The following TOP2B variants were observed in gnomAD, a reference collection of about 807,000 sequenced individuals.
TOP2B encodes DNA topoisomerase 2-beta.
In TOP2B, 51 loss-of-function variants were observed where a neutral mutation model predicts 193.5. The observed-to-expected ratio is 0.26, with a 90% CI of 0.21 to 0.33. The LOEUF is 0.33. TOP2B is among the 10% of genes least tolerant of loss of function. The pLI, the probability that TOP2B is intolerant of heterozygous loss-of-function variation, is 1.00. For missense variants in TOP2B, 1,378 were observed against 1,909.3 expected, an observed-to-expected ratio of 0.72 and a Z score of 5.19; for synonymous variants, 634 against 635.7, an observed-to-expected ratio of 1.00 and a Z score of 0.04.
chr3:25,610,716 A>C (rs1259714546), intron 28 of TOP2B, among the ~76,000 whole-genome samples: 1 of 152,246 alleles, frequency 6.6e-6, no homozygotes, highest in African/African-American at 2.4e-5. Context: ...CCTAACAATC[A>C]GACTGACTTT....
At chr3:25,664,121 C>G in intron 1 of TOP2B, 108 bp downstream of exon 1, 4 of 1,491,514 alleles carry the variant, frequency 2.7e-6, no homozygotes, top group Admixed American at 2.0e-5. Flanking sequence ...AGCGCCCGTT[C>G]GGGGGACGGG....
At chr3:25,656,670 A>G (rs191596630) in intron 1 of TOP2B, among the ~76,000 whole-genome samples, 1 of 152,324 alleles carries the variant, frequency 6.6e-6, no homozygotes, top group Admixed American at 6.5e-5. Flanking sequence ...ACAAAGGAGT[A>G]TATATAAAAC....
At chr3:25,632,223 G>T (rs1702980843) in intron 10 of TOP2B, among the ~76,000 whole-genome samples, 1 of 151,974 alleles carries the variant, frequency 6.6e-6, no homozygotes, top group Non-Finnish European at 1.5e-5. Flanking sequence ...AATGCAATTA[G>T]TTACATAATT....
intron 25 of TOP2B, among the ~76,000 whole-genome samples, chr3:25,617,855 A>C (rs973410242): frequency 6.6e-6 from 1 of 152,218 alleles, no homozygotes; most frequent in Non-Finnish European, 1.5e-5. Context: ...GCAATGGGCA[A>C]CTTACTTAAT....
Position 25,664,247 on chromosome 3 carries a change from G to C in TOP2B, c.51C>G (p.Asn17Lys). The change falls in exon 1 of 36, where the codon AAC becomes AAG. Residue 17 changes from asparagine (N) to lysine (K), a missense_variant. Coordinates refer to ENST00000264331, the MANE Select transcript of TOP2B (RefSeq NM_001330700.2). ...CACTTACCACCCAGGTCAGTGCCCC[G>C]TTGCCGCCGCCCACGCCGGCTCCCG... ...CGAGAGVGGG[N>K]GALTWVTLFD... The C allele has an allele frequency of 6.5e-7, 1 of 1,537,818 alleles. No homozygotes were observed. The highest frequency in any genetic ancestry group is 8.7e-7 in the Non-Finnish European group (1 of 1,145,704).
intron 1 of TOP2B, among the ~76,000 whole-genome samples, chr3:25,662,740 A>C (rs1369989782): frequency 6.6e-6 from 1 of 152,238 alleles, no homozygotes; most frequent in African/African-American, 2.4e-5. Flanking sequence ...CCAACAATCC[A>C]CTACGGAGCA....
In TOP2B at chr3:25,615,192, A is replaced by G; in HGVS notation, c.3591+13T>C. 6.3e-7 allele frequency: 1 copy of G among 1,590,468 alleles called. No individual in the cohort carries two copies. The highest frequency in any genetic ancestry group is 2.2e-5 in the East Asian group (1 of 44,588). On this transcript the variant is annotated intron_variant, in intron 27 of 35. Transcript: ENST00000264331. ...GACTTTTCCAAATAAATTTTAATAG[A>G]GACTTAACCTACATCCAGTTCTTCA...
chr3:25,601,059 C>T lies in TOP2B; in HGVS notation c.4615+41G>A, dbSNP rs752986014. On this transcript the variant is annotated intron_variant, in intron 34 of 35. Transcript: ENST00000264331. ...GGTAGAAAAAATTCAATCTTTTCCA[C>T]ACAGCATATGTTTAAAGGGTTATAA... The T allele has an allele frequency of 7.6e-6, 12 of 1,584,822 alleles. No homozygotes were observed. In the South Asian group the frequency reaches 1.2e-4, roughly 15 times the overall value.
intron 25 of TOP2B, among the ~76,000 whole-genome samples, chr3:25,616,271 A>C (rs1438495334): frequency 6.6e-6 from 1 of 151,952 alleles, no homozygotes; most frequent in Non-Finnish European, 1.5e-5. Context: ...AATAAAAGTT[A>C]TTTTAGGTGA....
At chr3:25,661,564 C>G (rs1363120316) in intron 1 of TOP2B, among the ~76,000 whole-genome samples, 1 of 152,138 alleles carries the variant, frequency 6.6e-6, no homozygotes, top group Admixed American at 6.5e-5. Flanking sequence ...AGAATTAATT[C>G]AAGAAACCCT....
chr3:25,658,143 G>T (rs924355542), intron 1 of TOP2B, among the ~76,000 whole-genome samples: 1 of 150,460 alleles, frequency 6.6e-6, no homozygotes, highest in African/African-American at 2.4e-5. Context: ...CAGGAGAATC[G>T]CCAAGAACCC....
intron 1 of TOP2B, among the ~76,000 whole-genome samples, chr3:25,658,039 C>A (rs1377100014): frequency 1.1e-5 from 1 of 86,972 alleles, no homozygotes; most frequent in African/African-American, 6.9e-5. Context: ...CCAGCCTGGG[C>A]GACAGAGCGA....
intron 34 of TOP2B, among the ~76,000 whole-genome samples, chr3:25,600,105 A>G (rs371364311): frequency 7.2e-5 from 11 of 152,350 alleles, no homozygotes; most frequent in African/African-American, 2.4e-4. Flanking sequence ...TCAAATACAT[A>G]TTCCTTCTCA....
chr3:25,642,045 C>A (rs548198364), intron 4 of TOP2B, among the ~76,000 whole-genome samples: 4 of 151,958 alleles, frequency 2.6e-5, no homozygotes, highest in Admixed American at 2.0e-4. Flanking sequence ...GCCTTGAGTC[C>A]CAAAAGTAAG....
Position 25,612,558 on chromosome 3 carries a change from G to A in TOP2B, c.3743C>T (p.Ala1248Val). The change falls in exon 28 of 36, where the codon GCT becomes GTT. Residue 1248 changes from alanine to valine, a missense_variant. Physicochemically the swap from Ala to Val is moderately conservative, Grantham distance 64. Around this residue, in one of 9 missense-constraint regions of TOP2B, gnomAD observed 556 missense variants for 584.2 expected, o/e 0.95. Coordinates refer to ENST00000264331, the MANE Select transcript of TOP2B (RefSeq NM_001330700.2). ...CTTTTTGCTGGCATCTGCCTTCATA[G>A]CTGTAATTTCAGGAATTATTCTTCT... is the stretch of plus-strand genomic sequence containing the variant. ...YGRRIIPEIT[A>V]MKADASKKLL... is the part of the protein sequence containing the mutation. 6.2e-7 allele frequency: 1 copy of A among 1,612,058 alleles called. No individual in the cohort carries two copies. Among genetic ancestry groups the A allele is most frequent in the Non-Finnish European group, 8.5e-7 (1 of 1,179,152 alleles).
rs2125347010 is a variant in TOP2B, at chr3:25,606,034, T to C, written c.4378+9A>G. The C allele has an allele frequency of 1.4e-6, 2 of 1,438,662 alleles. No individual in the cohort carries two copies. The highest frequency in any genetic ancestry group is 1.9e-6 in the Non-Finnish European group (2 of 1,072,266). The allele number at this position is 1,438,662 out of a possible 1,614,324, so 89.1% of individuals were successfully genotyped here. A position where few individuals can be genotyped will look rare whatever the true frequency, so the allele number is the denominator to read the frequency against. Reference sequence around the variant, plus strand: ...TACAATAACCAATGAAAAGACTAAATGAACATACCATCTTCTGACTTCTGA... The same window carrying C: ...TACAATAACCAATGAAAAGACTAAACGAACATACCATCTTCTGACTTCTGA... On this transcript the variant is annotated intron_variant, in intron 32 of 35. Transcript: ENST00000264331.
intron 1 of TOP2B, among the ~76,000 whole-genome samples, chr3:25,655,119 G>A (rs1180340832): frequency 6.6e-6 from 1 of 152,100 alleles, no homozygotes; most frequent in Non-Finnish European, 1.5e-5. Flanking sequence ...AAAAGGCAGC[G>A]TATGGAATGG....
At chr3:25,626,708 A>G (rs1440767111) in intron 17 of TOP2B, 34 bp from the exon 18 acceptor site, 4 of 1,512,048 alleles carry the variant, frequency 2.6e-6, no homozygotes, top group Admixed American at 3.9e-5. Flanking sequence ...TATTATCATT[A>G]TTACTGCATG....
At chr3:25,626,897 A>G (rs778329096) in intron 16 of TOP2B, 33 bp from the exon 17 acceptor site, 2 of 1,275,394 alleles carry the variant, frequency 1.6e-6, no homozygotes, top group Non-Finnish European at 2.2e-6. Flanking sequence ...TTTGCACATT[A>G]AAAATAAAAT....
Sources: gnomAD v4.1 joint callset for allele counts (sites outside exome capture counted in the v4.1 genomes callset) on GRCh38, gnomAD v4.1.1 for gene constraint, gnomAD v4.1.1 regional missense constraint, MANE v1.5 for transcripts, NCBI Gene and HGNC (gene_info 2026-07-23, HGNC 2026-07-21) for gene names.